Variants in GRIN2B observed in about 807,000 individuals in gnomAD.
GRIN2B encodes glutamate receptor ionotropic, NMDA 2B.
A neutral mutation model predicts 114.5 loss-of-function variants in GRIN2B; 5 were observed. The ratio of observed to expected loss-of-function variants is 0.04; its 90% CI spans 0.02 to 0.09. The LOEUF (loss-of-function observed/expected upper bound fraction) is 0.09, where lower values mean the gene tolerates loss of function less well. GRIN2B is among the 10% of genes least tolerant of loss of function. GRIN2B has a pLI of 1.00. For synonymous variants in GRIN2B, 787 were observed against 745.1 expected, an observed-to-expected ratio of 1.06 and a Z score of -0.92; for missense variants, 1,108 against 1,943.5, an observed-to-expected ratio of 0.57 and a Z score of 8.08.
intron 3 of GRIN2B, among the ~76,000 whole-genome samples, chr12:13,835,873 C>T (rs771100466): frequency 6.6e-6 from 1 of 151,558 alleles, no homozygotes; most frequent in East Asian, 1.9e-4. Context: ...CACAAGGCAG[C>T]CAGGCATGCC....
chr12:13,908,777 G>A (rs772513498), intron 2 of GRIN2B, among the ~76,000 whole-genome samples: 8 of 152,148 alleles, frequency 5.3e-5, no homozygotes, highest in African/African-American at 7.2e-5. Context: ...TCTACAACTC[G>A]TTTCAAGTCA....
chr12:13,701,513 CAAAAA>C (rs10536664), intron 4 of GRIN2B, among the ~76,000 whole-genome samples: 5 of 130,776 alleles, frequency 3.8e-5, no homozygotes, highest in African/African-American at 2.8e-5. Context: ...TTCAGTGGCA[CAAAAA>C]AAAAAAAAAA....
intron 4 of GRIN2B, among the ~76,000 whole-genome samples, chr12:13,723,494 C>A (rs74911676): frequency 1.4e-5 from 2 of 147,684 alleles, no homozygotes; most frequent in Middle Eastern, 3.4e-3. Context: ...AAAAAAAAAA[C>A]ACTTGCATAT....
chr12:13,895,066 G>A (rs1565578403), intron 2 of GRIN2B, among the ~76,000 whole-genome samples: 1 of 152,156 alleles, frequency 6.6e-6, no homozygotes, highest in Non-Finnish European at 1.5e-5. Flanking sequence ...TAATTTTTGT[G>A]AATGTGTGCA....
intron 3 of GRIN2B, among the ~76,000 whole-genome samples, chr12:13,842,741 G>C (rs1311878999): frequency 6.6e-6 from 1 of 152,010 alleles, no homozygotes; most frequent in Admixed American, 6.6e-5. Flanking sequence ...GTTCATTATG[G>C]AAATAGGGTG....
chr12:13,669,307 C>T (rs1950003216), intron 5 of GRIN2B, among the ~76,000 whole-genome samples: 1 of 152,068 alleles, frequency 6.6e-6, no homozygotes, highest in Non-Finnish European at 1.5e-5. Flanking sequence ...ATTCTTCACA[C>T]ATTTAAAGAG....
chr12:13,822,891 CATTTT>C (rs1477925377), intron 3 of GRIN2B, among the ~76,000 whole-genome samples: 1 of 152,054 alleles, frequency 6.6e-6, no homozygotes, highest in Middle Eastern at 3.2e-3. Flanking sequence ...GGTTGAGGAT[CATTTT>C]ATTCCATTTG....
intron 4 of GRIN2B, among the ~76,000 whole-genome samples, chr12:13,743,870 G>A (rs911736115): frequency 2.6e-5 from 4 of 152,084 alleles, no homozygotes; most frequent in Non-Finnish European, 5.9e-5. Flanking sequence ...AACACTAAAT[G>A]TATTTTGACA....
intron 2 of GRIN2B, among the ~76,000 whole-genome samples, chr12:13,927,928 C>A (rs1866946416): frequency 7.5e-6 from 1 of 133,560 alleles, no homozygotes. Flanking sequence ...GATCCCACCA[C>A]TGCACTCCAG....
Position 13,555,779 on chromosome 12 carries a change from T to C in GRIN2B, c.*7004A>G, listed in dbSNP as rs1948471801. 1 of 152,138 alleles carries C rather than the reference T, an allele frequency of 6.6e-6. No individual in the cohort carries two copies. Among genetic ancestry groups the C allele is most frequent in the Non-Finnish European group, 1.5e-5 (1 of 68,022 alleles). The allele number at this position is 152,138 out of a possible 1,614,324, so 9.4% of individuals were successfully genotyped here. ...GAACATGAAAGGAAAATAAAACAAA[T>C]TTATCAAGCACAGAATGTGACACTG... On this transcript the variant is annotated 3_prime_UTR_variant, in exon 14 of 14. Transcript: ENST00000609686.
At chr12:13,683,829 T>G (rs1025363159) in intron 4 of GRIN2B, 6 of 152,222 alleles carry the variant, frequency 3.9e-5, no homozygotes, top group African/African-American at 1.4e-4. Flanking sequence ...AAGCATTATG[T>G]ATTAGTTGTT....
At chr12:13,904,616 A>G (rs1866508835) in intron 2 of GRIN2B, among the ~76,000 whole-genome samples, 2 of 152,064 alleles carry the variant, frequency 1.3e-5, no homozygotes, top group Non-Finnish European at 2.9e-5. Flanking sequence ...GCTTATGTTC[A>G]TTAGAATATC....
chr12:13,702,033 T>C (rs1414512646), intron 4 of GRIN2B, among the ~76,000 whole-genome samples: 1 of 152,222 alleles, frequency 6.6e-6, no homozygotes, highest in African/African-American at 2.4e-5. Context: ...ATCTCAGCAA[T>C]AACAGAACTT....
intron 2 of GRIN2B, among the ~76,000 whole-genome samples, chr12:13,938,635 T>A (rs898015556): frequency 6.6e-6 from 1 of 152,214 alleles, no homozygotes; most frequent in Non-Finnish European, 1.5e-5. Flanking sequence ...TTCAAAAGAT[T>A]ACATAGTGTG....
At chr12:13,944,262 G>A (rs2136839633) in intron 2 of GRIN2B, among the ~76,000 whole-genome samples, 1 of 152,210 alleles carries the variant, frequency 6.6e-6, no homozygotes, top group East Asian at 1.9e-4. Flanking sequence ...TACTGTTGAG[G>A]AGAGGTAATA....
chr12:13,852,477 A>G (rs761866041), intron 3 of GRIN2B, among the ~76,000 whole-genome samples: 9 of 152,184 alleles, frequency 5.9e-5, no homozygotes, highest in Non-Finnish European at 1.0e-4. Flanking sequence ...AAATAACAAA[A>G]CAAAACAAAA....
intron 3 of GRIN2B, among the ~76,000 whole-genome samples, chr12:13,815,855 C>T (rs1362034736): frequency 1.3e-5 from 2 of 152,122 alleles, no homozygotes; most frequent in South Asian, 2.1e-4. Context: ...CTTCATTTGA[C>T]GTCATTGCTT....
chr12:13,749,817 C>T (rs1304964755), intron 4 of GRIN2B, among the ~76,000 whole-genome samples: 2 of 152,154 alleles, frequency 1.3e-5, no homozygotes, highest in African/African-American at 4.8e-5. Flanking sequence ...TGTTAGTCAA[C>T]CCCAATCCTT....
rs1948423249 is a variant in GRIN2B, at chr12:13,552,345, TC to T, written c.*10437del. 6.6e-6 allele frequency: 1 copy of T among 152,160 alleles called. No homozygotes were observed. The highest frequency in any genetic ancestry group is 2.1e-4 in the South Asian group (1 of 4,826). The allele number at this position is 152,160 out of a possible 1,614,324, so 9.4% of individuals were successfully genotyped here. On this transcript the variant is annotated 3_prime_UTR_variant, in exon 14 of 14. Coordinates refer to ENST00000609686, the MANE Select transcript of GRIN2B (RefSeq NM_000834.5). ...GCTTTGGTCCTTGCTCTTTCAAGTT[TC>T]CCTACTTTCCGAAGCTATCATTGAA...
Sources: allele counts gnomAD v4.1 joint callset (sites outside exome capture counted in the v4.1 genomes callset), GRCh38; gene constraint gnomAD v4.1.1; transcripts MANE v1.5; gene names NCBI Gene and HGNC (gene_info 2026-07-23, HGNC 2026-07-21).